XPO7: variants seen among roughly 807,000 people sequenced by gnomAD.
XPO7 encodes exportin 7.
XPO7 carries 21 observed loss-of-function variants against 144.3 expected under a neutral mutation model. The observed-to-expected ratio is 0.15, with a 90% CI of 0.10 to 0.21. XPO7 has a LOEUF of 0.21. Ranked by LOEUF, XPO7 falls within the 10% of genes least tolerant of loss-of-function variation. The pLI is 1.00. For missense variants in XPO7, 808 were observed against 1,325.8 expected, an observed-to-expected ratio of 0.61 and a Z score of 6.06; for synonymous variants, 580 against 499.6, an observed-to-expected ratio of 1.16 and a Z score of -2.15.
Position 21,966,976 on chromosome 8 carries a change from G to A in XPO7, c.138G>A (p.Lys46=). The A allele has an allele frequency of 6.2e-7, 1 of 1,613,756 alleles. No individual in the cohort carries two copies. The highest frequency in any genetic ancestry group is 1.1e-5 in the South Asian group (1 of 91,024). ...CCAACAGCCCTGATTGCCTGAGCAA[G>A]TGCCAGCTACTCCTCGAAAGAGGAA... ...EFTNSPDCLS[K]CQLLLERGSS... is the part of the protein sequence containing the mutation. The change falls in exon 2 of 28, where the codon AAG becomes AAA. Residue 46 remains lysine (K), a synonymous_variant. Coordinates refer to ENST00000252512, the MANE Select transcript of XPO7 (RefSeq NM_015024.5).
intron 1 of XPO7, among the ~76,000 whole-genome samples, chr8:21,934,800 G>T (rs1810770008): frequency 6.6e-6 from 1 of 152,160 alleles, no homozygotes; most frequent in South Asian, 2.1e-4. Context: ...CCAGAGATTT[G>T]GGTGATTTAT....
intron 1 of XPO7, among the ~76,000 whole-genome samples, chr8:21,952,061 A>G (rs959335419): frequency 9.2e-5 from 14 of 152,120 alleles, no homozygotes; most frequent in Non-Finnish European, 1.5e-4. Flanking sequence ...CTTTCCTAGG[A>G]TGGCCTGCTT....
At chr8:21,964,436 C>T (rs1470099817) in intron 1 of XPO7, 1 of 152,114 alleles carries the variant, frequency 6.6e-6, no homozygotes, top group African/African-American at 2.4e-5. Context: ...TCAAAAGAAC[C>T]TAACCATTAG....
chr8:21,974,849 C>T, intron 6 of XPO7, 75 bp downstream of exon 6: 3 of 1,168,254 alleles, frequency 2.6e-6, no homozygotes, highest in Non-Finnish European at 3.7e-6. Flanking sequence ...TGTTAAATGT[C>T]AGCTTTTAAC....
At chr8:21,953,134 G>T (rs1036312988) in intron 1 of XPO7, among the ~76,000 whole-genome samples, 4 of 149,300 alleles carry the variant, frequency 2.7e-5, no homozygotes, top group African/African-American at 9.8e-5. Flanking sequence ...TCTTAGTGTT[G>T]TGCTCTGTGG....
chr8:21,995,623 A>G, intron 21 of XPO7, 24 bp downstream of exon 21: 1 of 1,535,942 alleles, frequency 6.5e-7, no homozygotes, highest in Non-Finnish European at 8.9e-7. Flanking sequence ...AGAGCTTGCA[A>G]GGGCACATCT....
intron 4 of XPO7, among the ~76,000 whole-genome samples, chr8:21,970,774 A>T (rs560797073): frequency 2.7e-4 from 41 of 152,164 alleles, no homozygotes; most frequent in Non-Finnish European, 5.1e-4. Context: ...CACATATACA[A>T]CAGCAGTCCC....
intron 1 of XPO7, among the ~76,000 whole-genome samples, chr8:21,950,037 T>C (rs978388929): frequency 1.3e-5 from 2 of 152,236 alleles, no homozygotes; most frequent in Non-Finnish European, 1.5e-5. Context: ...AGGCTGTGTT[T>C]TTAAAAAGCA....
intron 1 of XPO7, among the ~76,000 whole-genome samples, chr8:21,940,407 G>A (rs913779134): frequency 1.3e-5 from 2 of 151,670 alleles, no homozygotes; most frequent in African/African-American, 4.8e-5. Flanking sequence ...ACTGAGTGGA[G>A]AGATGTGGGT....
chr8:21,992,337 A>C (rs2117385039), intron 19 of XPO7, among the ~76,000 whole-genome samples: 1 of 152,306 alleles, frequency 6.6e-6, no homozygotes, highest in East Asian at 1.9e-4. Flanking sequence ...GTGGTAAAAA[A>C]CAGAAAGTTT....
intron 1 of XPO7, among the ~76,000 whole-genome samples, chr8:21,956,138 C>CA (rs1811527806): frequency 6.6e-6 from 1 of 152,176 alleles, no homozygotes. Flanking sequence ...CTTACACCCC[C>CA]AAAGATAACT....
intron 7 of XPO7, among the ~76,000 whole-genome samples, chr8:21,976,866 C>G (rs1289271706): frequency 3.3e-5 from 5 of 152,056 alleles, no homozygotes. Flanking sequence ...ACAATGTTGC[C>G]CAAGCTAGTC....
Position 21,999,265 on chromosome 8 carries a change from T to G in XPO7, c.2603T>G (p.Phe868Cys). The change falls in exon 23 of 28, where the codon TTC (phenylalanine) becomes TGC (cysteine). Residue 868 changes from phenylalanine to cysteine, a missense_variant. Around this residue, in one of 5 missense-constraint regions of XPO7, gnomAD observed 416 missense variants for 612.5 expected, o/e 0.68. Coordinates refer to ENST00000252512, the MANE Select transcript of XPO7 (RefSeq NM_015024.5). ...DDALDNALQT[F>C]IKLLLSIPHS... is the part of the protein sequence containing the mutation. ...GCCCTGGACAATGCTCTGCAGACCT[T>G]CATCAAGCTGCTCCTCTCTATTCCT... 1.2e-6 allele frequency: 2 copies of G among 1,613,512 alleles called. No individual in the cohort carries two copies. The highest frequency in any genetic ancestry group is 1.7e-6 in the Non-Finnish European group (2 of 1,179,874).
chr8:21,966,355 G>T, intron 1 of XPO7: 1 of 777,928 alleles, frequency 1.3e-6, no homozygotes, highest in Non-Finnish European at 2.4e-6. Flanking sequence ...AGGTTTTCTC[G>T]TACAGGTGAC....
intron 1 of XPO7, among the ~76,000 whole-genome samples, chr8:21,943,656 G>A (rs1203698214): frequency 6.6e-6 from 1 of 152,154 alleles, no homozygotes; most frequent in Non-Finnish European, 1.5e-5. Context: ...TTTCCCACTA[G>A]TGAGGGTAGG....
chr8:21,963,636 A>G (rs1323016121), intron 1 of XPO7, among the ~76,000 whole-genome samples: 1 of 151,926 alleles, frequency 6.6e-6, no homozygotes, highest in South Asian at 2.1e-4. Flanking sequence ...CGGAGGTTAC[A>G]GTGAGCCGAG....
At chr8:21,967,300 T>C (rs1811915421) in intron 2 of XPO7, among the ~76,000 whole-genome samples, 1 of 152,210 alleles carries the variant, frequency 6.6e-6, no homozygotes. Context: ...CAGAATAAGA[T>C]AGGACTGTAG....
rs118063801 is a variant in XPO7 at position 21,950,644 on chromosome 8, T to A, written c.19-16213T>A. ...TCAAATTGATGTATCTTGCAACAGA[T>A]GATTGTTACTTTAACTTTAAAAGAG... On this transcript the variant is annotated intron_variant, in intron 1 of 27. Transcript: ENST00000252512. Among the ~76,000 whole-genome samples the A allele has an allele frequency of 5.3e-3, 808 of 152,276 alleles. 10 individuals are homozygous for A. The highest frequency in any genetic ancestry group is 6.7e-3 in the Non-Finnish European group (459 of 68,006).
In XPO7 at chr8:22,005,194, A is replaced by T; in HGVS notation, c.*106A>T. The T allele has an allele frequency of 2.1e-6, 2 of 959,184 alleles. No individual in the cohort carries two copies. The highest frequency in any genetic ancestry group is 2.8e-5 in the East Asian group (1 of 36,030). The allele number at this position is 959,184 out of a possible 1,614,324, so 59.4% of individuals were successfully genotyped here. A position where few individuals can be genotyped will look rare whatever the true frequency, so the allele number is the denominator to read the frequency against. ...CTGGCTGATCCTGGCTCTTTTCTCC[A>T]GGGGTGTGGGGAAAATGGCAAAGGT... On this transcript the variant is annotated 3_prime_UTR_variant, in exon 28 of 28. Coordinates refer to ENST00000252512, the MANE Select transcript of XPO7 (RefSeq NM_015024.5).
Sources: allele counts gnomAD v4.1 joint callset (sites outside exome capture counted in the v4.1 genomes callset), GRCh38; gene constraint gnomAD v4.1.1; regional missense constraint gnomAD v4.1.1; transcripts MANE v1.5; gene names NCBI Gene and HGNC (gene_info 2026-07-23, HGNC 2026-07-21).